AFG2A: variants seen among roughly 807,000 people sequenced by gnomAD.
AFG2A encodes the protein AAA ATPase AFG2A.
the AFG2A span, among the ~76,000 whole-genome samples, chr4:123,183,933 TATTCATTC>T: frequency 6.1e-4 from 84 of 137,390 alleles, 1 homozygote; most frequent in South Asian, 2.2e-3. Flanking sequence ...CTTGCTTATT[TATTCATTC>T]ATTCATTCAT....
chr4:123,186,299 T>C, the AFG2A span, among the ~76,000 whole-genome samples: 1 of 152,234 alleles, frequency 6.6e-6, no homozygotes, highest in Non-Finnish European at 1.5e-5. Context: ...TCATCTAATA[T>C]GAATATTATG....
the AFG2A span, among the ~76,000 whole-genome samples, chr4:123,019,106 C>T: frequency 6.6e-6 from 1 of 152,050 alleles, no homozygotes; most frequent in Non-Finnish European, 1.5e-5. Flanking sequence ...ATATTTACCA[C>T]ATGCCAGGCA....
At chr4:123,015,954 C>T in the AFG2A span, among the ~76,000 whole-genome samples, 1,253 of 35,826 alleles carry the variant, frequency 0.035, 443 homozygotes, top group Non-Finnish European at 0.1. Context: ...GCGCCCCTCA[C>T]CTCCCGGACG....
chr4:123,116,036 A>G, the AFG2A span, among the ~76,000 whole-genome samples: 1 of 151,994 alleles, frequency 6.6e-6, no homozygotes, highest in South Asian at 2.1e-4. Context: ...AGTAGCTGGG[A>G]CTACAGGCGG....
the AFG2A span, among the ~76,000 whole-genome samples, chr4:123,180,651 G>T: frequency 2.0e-5 from 3 of 152,296 alleles, no homozygotes; most frequent in African/African-American, 7.2e-5. Flanking sequence ...TGAGAATAGA[G>T]ATGTTTAAAA....
At chr4:122,983,825 C>A in the AFG2A span, among the ~76,000 whole-genome samples, 1 of 152,212 alleles carries the variant, frequency 6.6e-6, no homozygotes, top group Non-Finnish European at 1.5e-5. Context: ...AGACAACCCC[C>A]AGTACCAACC....
At chr4:123,092,732 T>C in the AFG2A span, among the ~76,000 whole-genome samples, 1 of 152,332 alleles carries the variant, frequency 6.6e-6, no homozygotes, top group Non-Finnish European at 1.5e-5. Flanking sequence ...ACTCACATGA[T>C]TGTGGCACAG....
chr4:123,314,774 G>A, the AFG2A span: 1 of 80,526 alleles, frequency 1.2e-5, no homozygotes, highest in Non-Finnish European at 2.5e-5. Context: ...TTTTTTTTTT[G>A]AGACAGAGTC....
At chr4:123,256,145 C>T in the AFG2A span, 1 of 1,614,130 alleles carries the variant, frequency 6.2e-7, no homozygotes, top group South Asian at 1.1e-5. Flanking sequence ...CCTGGATGAA[C>T]TCATCCTTCA....
the AFG2A span, among the ~76,000 whole-genome samples, chr4:122,980,885 A>T: frequency 4.0e-5 from 6 of 151,638 alleles, no homozygotes; most frequent in Non-Finnish European, 8.8e-5. Context: ...CTTAATATAT[A>T]TTTTAGTATT....
chr4:123,177,172 G>A, the AFG2A span, among the ~76,000 whole-genome samples: 2 of 149,732 alleles, frequency 1.3e-5, no homozygotes, highest in South Asian at 2.1e-4. Context: ...CTTTTTAACT[G>A]TAGAAAAGAG....
At chr4:122,940,932 T>A in the AFG2A span, among the ~76,000 whole-genome samples, 11 of 151,566 alleles carry the variant, frequency 7.3e-5, no homozygotes, top group South Asian at 2.3e-3. Context: ...TGTCCAAAGA[T>A]CAGATAGTTG....
At chr4:123,196,346 G>A in the AFG2A span, among the ~76,000 whole-genome samples, 2 of 151,718 alleles carry the variant, frequency 1.3e-5, no homozygotes, top group African/African-American at 4.8e-5. Flanking sequence ...GTGACTTGAG[G>A]AGTTAAACAA....
At chr4:123,085,007 G>A in the AFG2A span, among the ~76,000 whole-genome samples, 2 of 150,958 alleles carry the variant, frequency 1.3e-5, no homozygotes, top group Admixed American at 1.3e-4. Context: ...AGTCTTTTAA[G>A]TATTTTGGAA....
At chr4:122,927,736 CT>C in the AFG2A span, 1 of 1,612,890 alleles carries the variant, frequency 6.2e-7, no homozygotes, top group Non-Finnish European at 8.5e-7. Flanking sequence ...GTGTTGCTTA[CT>C]AGTTTGAACG....
At chr4:123,257,285 T>G in the AFG2A span, among the ~76,000 whole-genome samples, 1 of 152,124 alleles carries the variant, frequency 6.6e-6, no homozygotes, top group African/African-American at 2.4e-5. Flanking sequence ...GACTTAAGAT[T>G]TTGGGGCTTT....
the AFG2A span, among the ~76,000 whole-genome samples, chr4:122,967,691 T>G: frequency 6.6e-6 from 1 of 152,060 alleles, no homozygotes; most frequent in East Asian, 1.9e-4. Flanking sequence ...TTTAAAGAGG[T>G]AGGGTCTTGC....
At chr4:122,985,824 G>A in the AFG2A span, among the ~76,000 whole-genome samples, 8 of 148,924 alleles carry the variant, frequency 5.4e-5, no homozygotes, top group African/African-American at 7.5e-5. Flanking sequence ...TTTGGGGTTC[G>A]GTTTGTTCTT....
At chr4:123,056,335 A>G in the AFG2A span, 1 of 1,538,814 alleles carries the variant, frequency 6.5e-7, no homozygotes, top group Non-Finnish European at 8.8e-7. Flanking sequence ...TGGAAGAAAT[A>G]TACATGATTG....
Sources: gnomAD v4.1 joint callset for allele counts (sites outside exome capture counted in the v4.1 genomes callset) on GRCh38, gnomAD v4.1.1 for gene constraint, MANE v1.5 for transcripts, NCBI Gene and HGNC (gene_info 2026-07-23, HGNC 2026-07-21) for gene names.